Variants in SPAG9 observed in about 807,000 individuals in gnomAD.
SPAG9 encodes C-Jun-amino-terminal kinase-interacting protein 4.
In SPAG9, 35 loss-of-function variants were observed where a neutral mutation model predicts 166.5. The observed-to-expected ratio is 0.21, with a 90% CI of 0.16 to 0.28. The LOEUF (loss-of-function observed/expected upper bound fraction) is 0.28. SPAG9 is among the 10% of genes least tolerant of loss of function. The pLI is 1.00. For missense variants in SPAG9, 1,235 were observed against 1,603.3 expected (o/e 0.77, Z 3.92); for synonymous variants, 534 against 565.5 (o/e 0.94, Z 0.79).
intron 1 of SPAG9, among the ~76,000 whole-genome samples, chr17:51,090,023 C>A (rs943503116): frequency 4.6e-5 from 7 of 151,834 alleles, no homozygotes; most frequent in Admixed American, 2.6e-4. Flanking sequence ...TTAGCTTACT[C>A]TAAAAGGAAT....
intron 2 of SPAG9, among the ~76,000 whole-genome samples, chr17:51,066,831 G>A (rs2047685323): frequency 6.6e-6 from 1 of 152,054 alleles, no homozygotes; most frequent in African/African-American, 2.4e-5. Flanking sequence ...GGTGGGGGCT[G>A]CAGTGAGCCG....
chr17:51,049,779 G>A (rs1179041247), intron 3 of SPAG9, among the ~76,000 whole-genome samples: 1 of 152,158 alleles, frequency 6.6e-6, no homozygotes, highest in African/African-American at 2.4e-5. Context: ...TGTATTTTTA[G>A]TAGAGACGGG....
chr17:51,120,243 G>T lies in SPAG9; in HGVS notation c.303+111C>A. The T allele has an allele frequency of 1.0e-6, 1 of 985,962 alleles. No individual in the cohort carries two copies. Among genetic ancestry groups the T allele is most frequent in the Non-Finnish European group, 1.4e-6 (1 of 710,428 alleles). 61.1% of individuals were successfully genotyped at this position (985,962 alleles called of 1,614,324 possible). ...CGGTCCCAGGGGGCATCGGCCTCAGGCCCGCCCTCCAGGAGGCCCGTCGCG... is the reference window on the plus strand; with the variant it reads ...CGGTCCCAGGGGGCATCGGCCTCAGTCCCGCCCTCCAGGAGGCCCGTCGCG... On this transcript the variant is annotated intron_variant, in intron 1 of 29. Coordinates refer to ENST00000262013, the MANE Select transcript of SPAG9 (RefSeq NM_001130528.3). This position sits in a 1 kb window ranked among gnomAD's most constrained non-coding sequence, Gnocchi z 4.7.
At chr17:50,983,272 A>G (rs1974789654) in intron 24 of SPAG9, among the ~76,000 whole-genome samples, 1 of 152,246 alleles carries the variant, frequency 6.6e-6, no homozygotes, top group Non-Finnish European at 1.5e-5. Flanking sequence ...TTTGTATGTA[A>G]TCACCCACTC....
chr17:51,054,116 C>CT (rs1157639358), intron 3 of SPAG9, among the ~76,000 whole-genome samples: 6,886 of 74,038 alleles, frequency 0.093, 202 homozygotes, highest in East Asian at 0.22. Flanking sequence ...AATGTGAGGG[C>CT]TTTTTTTTTT....
rs181867976 is a variant in SPAG9, at chr17:51,013,298, G to A, written c.1213+934C>T. The stretch of plus-strand genomic sequence containing the variant: ...GTTTTTAATTTCTATAGGGTCCTAA[G>A]TTATAAGGAAGGTATACCAAAACTA... On this transcript the variant is annotated intron_variant, in intron 9 of 29. Coordinates refer to ENST00000262013, the MANE Select transcript of SPAG9 (RefSeq NM_001130528.3). Among the ~76,000 whole-genome samples, 500 of 152,248 alleles carry A rather than the reference G, an allele frequency of 3.3e-3. 3 individuals carry two copies. The highest frequency in any genetic ancestry group is 6.0e-3 in the Non-Finnish European group (411 of 68,012).
intron 19 of SPAG9, among the ~76,000 whole-genome samples, chr17:50,993,095 C>CAAAAAA (rs71149332): frequency 2.6e-5 from 2 of 75,578 alleles, no homozygotes; most frequent in African/African-American, 5.5e-5. Flanking sequence ...GACTCCATCT[C>CAAAAAA]AAAAAAAAAA....
chr17:51,078,752 T>C (rs2048083719), intron 2 of SPAG9, among the ~76,000 whole-genome samples: 1 of 151,620 alleles, frequency 6.6e-6, no homozygotes, highest in Non-Finnish European at 1.5e-5. Flanking sequence ...TTCTGAAAAA[T>C]GAAGTTCTAT....
At chr17:51,004,165 T>C (rs2045092330) in intron 12 of SPAG9, among the ~76,000 whole-genome samples, 1 of 152,208 alleles carries the variant, frequency 6.6e-6, no homozygotes, top group Admixed American at 6.5e-5. Context: ...AAATTTTTTT[T>C]TTAAGTTAAG....
In SPAG9 at chr17:50,974,907, A is replaced by T. The variant is rs745313922; in HGVS notation, c.3564T>A (p.Ser1188Arg). The change falls in exon 28 of 30, where the codon AGT (serine) becomes AGA (arginine). Residue 1188 changes from serine (S) to arginine (R), a missense_variant. Coordinates refer to ENST00000262013, the MANE Select transcript of SPAG9 (RefSeq NM_001130528.3). ...TSGVPGNRPG[S>R]VIRVYGDENS... is the part of the protein sequence containing the mutation. ...TTTCATCACCATATACACGGATTAC[A>T]CTTCCAGGACGATTTCCTGGTACAC... The T allele has an allele frequency of 6.2e-7, 1 of 1,611,174 alleles. No individual in the cohort carries two copies. The highest frequency in any genetic ancestry group is 1.7e-5 in the Admixed American group (1 of 58,952).
At chr17:50,993,436 CTTCTT>C (rs1017984407) in intron 19 of SPAG9, among the ~76,000 whole-genome samples, 12 of 151,828 alleles carry the variant, frequency 7.9e-5, no homozygotes, top group African/African-American at 2.9e-4. Flanking sequence ...ATCACATACA[CTTCTT>C]TAATTTTTAA....
chr17:51,057,285 C>T lies in SPAG9; in HGVS notation c.425-803G>A, dbSNP rs147566204. Among the ~76,000 whole-genome samples the T allele has an allele frequency of 1.3e-3, 198 of 152,204 alleles. 1 individual carries two copies. The highest frequency in any genetic ancestry group is 4.5e-3 in the African/African-American group (188 of 41,540). ...ACTGGCCAGACTGGAGGAGCCCATA[C>T]TTGGCTAAGGAGCAGTGGGAGACAG... On this transcript the variant is annotated intron_variant, in intron 2 of 29. Coordinates refer to ENST00000262013, the MANE Select transcript of SPAG9 (RefSeq NM_001130528.3).
intron 8 of SPAG9, among the ~76,000 whole-genome samples, chr17:51,019,796 G>A (rs1423293087): frequency 1.3e-5 from 2 of 152,244 alleles, no homozygotes; most frequent in South Asian, 2.1e-4. Context: ...AGGTTGCGGT[G>A]AGCCGAGATC....
rs564132724 is a variant in SPAG9, at chr17:51,056,182, A to T, written c.495+230T>A. Among the ~76,000 whole-genome samples the T allele has an allele frequency of 5.9e-5, 9 of 152,328 alleles. No individual in the cohort carries two copies. In the South Asian group the frequency reaches 1.7e-3, roughly 28 times the overall value. ...AGTACTATAGCTGCCTTAAATAACT[A>T]AATTATTCTGTAGCATACTAATTCA... is the stretch of plus-strand genomic sequence containing the variant. On this transcript the variant is annotated intron_variant, in intron 3 of 29. Transcript: ENST00000262013.
intron 3 of SPAG9, among the ~76,000 whole-genome samples, chr17:51,056,118 A>C (rs1413448681): frequency 6.6e-6 from 1 of 152,196 alleles, no homozygotes; most frequent in Non-Finnish European, 1.5e-5. Flanking sequence ...AAACTTCATT[A>C]TGTGCACATA....
chr17:51,058,210 T>G (rs896618927), intron 2 of SPAG9, among the ~76,000 whole-genome samples: 3 of 152,216 alleles, frequency 2.0e-5, no homozygotes, highest in African/African-American at 7.2e-5. Context: ...ATTATTCTTG[T>G]CAGCTGATAT....
intron 27 of SPAG9, chr17:50,976,600 T>C (rs770589385): frequency 2.0e-5 from 3 of 153,154 alleles, no homozygotes; most frequent in Non-Finnish European, 4.4e-5. Flanking sequence ...TGGAACATCA[T>C]ATGAGAAACA....
chr17:50,993,644 C>G lies in SPAG9; in HGVS notation c.2398+120G>C, dbSNP rs929456107. 96 of 911,634 alleles carry G rather than the reference C, an allele frequency of 1.1e-4. 1 individual carries two copies. Among genetic ancestry groups the G allele is most frequent in the Non-Finnish European group, 5.2e-5 (32 of 616,402 alleles). 56.5% of individuals were successfully genotyped at this position (911,634 alleles called of 1,614,324 possible). A position where few individuals can be genotyped will look rare whatever the true frequency, so the allele number is the denominator to read the frequency against. On this transcript the variant is annotated intron_variant, in intron 19 of 29. Transcript: ENST00000262013. ...TTTCCAGTTTGTTTTTTAATCTTCC[C>G]TAACTAGAACATAAGCTTCATGACA...
intron 1 of SPAG9, among the ~76,000 whole-genome samples, chr17:51,087,838 C>T (rs1392331289): frequency 2.6e-5 from 4 of 152,180 alleles, no homozygotes; most frequent in Admixed American, 6.5e-5. Flanking sequence ...TGGGCTCAAG[C>T]GATCCTCCCA....
Sources: allele counts gnomAD v4.1 joint callset (sites outside exome capture counted in the v4.1 genomes callset), GRCh38; gene constraint gnomAD v4.1.1; non-coding constraint Gnocchi (gnomAD v3.1); transcripts MANE v1.5; gene names NCBI Gene and HGNC (gene_info 2026-07-23, HGNC 2026-07-21).